FAAP20: variants seen among roughly 807,000 people sequenced by gnomAD.
The protein encoded by FAAP20 is Fanconi anemia core complex-associated protein 20.
In FAAP20, 12 loss-of-function variants were observed where a neutral mutation model predicts 16.2. The ratio of observed to expected loss-of-function variants is 0.74; its 90% CI spans 0.48 to 1.20. The LOEUF is 1.20. Among genes scored for constraint, FAAP20 ranks in the 50% most tolerant of loss-of-function variants. The pLI is 0.00. For synonymous variants in FAAP20, 141 were observed against 110.7 expected (o/e 1.27, Z -1.72); for missense variants, 288 against 245.8 (o/e 1.17, Z -1.15).
chr1:2,204,938 ACCCCGCCCCTCAAGCCCCG>A (rs1299567655), intron 3 of FAAP20, among the ~76,000 whole-genome samples: 1 of 11,588 alleles, frequency 8.6e-5, no homozygotes, highest in East Asian at 3.1e-3. Flanking sequence ...GGCCCCCCAT[ACCCCGCCCCTCAAGCCCCG>A]CCCCGCCCCC....
chr1:2,207,368 T>C (rs1689300582), downstream of FAAP20, among the ~76,000 whole-genome samples: 1 of 152,208 alleles, frequency 6.6e-6, no homozygotes, highest in Non-Finnish European at 1.5e-5. Context: ...CAGTCAAAGC[T>C]GCTCTCCTCT....
downstream of FAAP20, among the ~76,000 whole-genome samples, chr1:2,207,969 C>T (rs1214329133): frequency 6.6e-6 from 1 of 151,810 alleles, no homozygotes; most frequent in Non-Finnish European, 1.5e-5. Context: ...TGCGCGCGCG[C>T]ATGCGTGCAG....
At chr1:2,188,672 C>T (rs139155327), downstream of FAAP20, among the ~76,000 whole-genome samples, 403 of 152,294 alleles carry the variant, frequency 2.6e-3, no homozygotes, top group African/African-American at 8.3e-3. Context: ...CTTTCCTTTT[C>T]ATAACTAGCT....
chr1:2,189,598 T>TGCGAGGGAGCCGAGAGGCGGGGCTGCTG lies in FAAP20; in HGVS notation c.*110_*111insCAGCAGCCCCGCCTCTCGGCTCCCTCGC. On this transcript the variant is annotated 3_prime_UTR_variant, in exon 4 of 4. Transcript: ENST00000378546. ...GGAGCCCGCCCTGCTTTAATGCGCA[T>TGCGAGGGAGCCGAGAGGCGGGGCTGCTG]GCGGGGGAGCCGAGAGGCGGGGCTG... 1 of 867,198 alleles carries TGCGAGGGAGCCGAGAGGCGGGGCTGCTG rather than the reference T, an allele frequency of 1.2e-6. No individual in the cohort carries two copies. Among genetic ancestry groups the TGCGAGGGAGCCGAGAGGCGGGGCTGCTG allele is most frequent in the Non-Finnish European group, 1.9e-6 (1 of 517,140 alleles). 53.7% of individuals were successfully genotyped at this position (867,198 alleles called of 1,614,324 possible).
chr1:2,190,084 C>A (rs1688017403), intron 3 of FAAP20: 1 of 568,680 alleles, frequency 1.8e-6, no homozygotes. Context: ...CTTGAGAACG[C>A]GCTCATCGTG....
downstream of FAAP20, among the ~76,000 whole-genome samples, chr1:2,211,231 T>C (rs1218158009): frequency 5.5e-4 from 76 of 139,022 alleles, no homozygotes; most frequent in South Asian, 7.1e-4. Flanking sequence ...TCTTTCTTTT[T>C]TTTTTTTTTT....
At chr1:2,184,990 C>T, downstream of FAAP20, 2 of 1,613,496 alleles carry the variant, frequency 1.2e-6, no homozygotes, top group Non-Finnish European at 1.7e-6. Context: ...TTATTGCTGT[C>T]CACCGAGGAG....
At chr1:2,198,178 C>G (rs750629470), upstream of FAAP20, 1 of 1,276,420 alleles carries the variant, frequency 7.8e-7, no homozygotes, top group Admixed American at 2.3e-5. Context: ...GGGACTGACA[C>G]GTGCACAGTG....
upstream of FAAP20, chr1:2,197,869 C>T (rs1688885256): frequency 2.1e-6 from 2 of 955,750 alleles, no homozygotes; most frequent in Non-Finnish European, 2.8e-6. Flanking sequence ...GGTGCCTCCA[C>T]TTGTCAGGAA....
chr1:2,200,976 C>A, upstream of FAAP20: 1 of 1,226,888 alleles, frequency 8.2e-7, no homozygotes, highest in Non-Finnish European at 1.1e-6. Context: ...GGGAAATCTG[C>A]TGGCTGGGGA....
At chr1:2,190,020 G>A (rs75034630) in intron 3 of FAAP20, 3 of 608,130 alleles carry the variant, frequency 4.9e-6, no homozygotes, top group Non-Finnish European at 9.1e-6. Flanking sequence ...CGAGCTGGGG[G>A]TGGGGAAGCT....
chr1:2,207,651 A>G (rs1689311785), downstream of FAAP20: 1 of 152,252 alleles, frequency 6.6e-6, no homozygotes, highest in African/African-American at 2.4e-5. Flanking sequence ...CGTGTTTCCT[A>G]CAGTGGAGAA....
chr1:2,193,247 A>G (rs1012587255), intron 3 of FAAP20: 2 of 338,042 alleles, frequency 5.9e-6, no homozygotes, highest in African/African-American at 4.2e-5. Flanking sequence ...AAATAAGAAA[A>G]AGCATCTCCA....
downstream of FAAP20, chr1:2,185,590 G>T: frequency 1.4e-6 from 1 of 696,818 alleles, no homozygotes; most frequent in Non-Finnish European, 2.7e-6. Context: ...TGCAGAGTGT[G>T]TCCCAGCCGC....
At chr1:2,211,913 T>TTTTG (rs1299412366), downstream of FAAP20, among the ~76,000 whole-genome samples, 4 of 146,904 alleles carry the variant, frequency 2.7e-5, no homozygotes, top group Non-Finnish European at 5.9e-5. Flanking sequence ...TTTTTTTTTT[T>TTTTG]TTTTTTTGAG....
chr1:2,185,142 G>T, downstream of FAAP20: 1 of 889,718 alleles, frequency 1.1e-6, no homozygotes, highest in Non-Finnish European at 1.8e-6. Context: ...AGACCGCAGA[G>T]GGAAGCGTCA....
chr1:2,199,698 G>A, upstream of FAAP20: 3 of 922,070 alleles, frequency 3.3e-6, no homozygotes, highest in Non-Finnish European at 3.9e-6. This position sits in a 1 kb window ranked among gnomAD's most constrained non-coding sequence, Gnocchi z 4.5. Context: ...TCGGAAGCAA[G>A]GTCTGTGCCG....
chr1:2,197,985 T>C, upstream of FAAP20: 3 of 1,280,228 alleles, frequency 2.3e-6, no homozygotes, highest in Non-Finnish European at 3.1e-6. Flanking sequence ...CAAGGAAGCA[T>C]GTTCACCTCC....
upstream of FAAP20, among the ~76,000 whole-genome samples, chr1:2,202,445 C>G (rs1017718801): frequency 6.6e-6 from 1 of 151,982 alleles, no homozygotes; most frequent in East Asian, 1.9e-4. Context: ...TTCAAGCAAT[C>G]CTCAACACCT....
Sources: allele counts gnomAD v4.1 joint callset (sites outside exome capture counted in the v4.1 genomes callset), GRCh38; gene constraint gnomAD v4.1.1; non-coding constraint Gnocchi (gnomAD v3.1); transcripts MANE v1.5; gene names NCBI Gene and HGNC (gene_info 2026-07-23, HGNC 2026-07-21).